Variants in FBXO34 observed in about 807,000 individuals in gnomAD.
FBXO34 encodes the protein F-box only protein 34.
Under a neutral mutation model 24.5 loss-of-function variants are expected in FBXO34, and 12 were observed. The observed-to-expected ratio is 0.49, with a 90% CI of 0.31 to 0.79. The LOEUF is 0.79. Among genes scored for constraint, FBXO34 ranks in the 30% least tolerant of loss-of-function variants. The probability of loss-of-function intolerance (pLI) is 0.04; values close to 1 mark genes in which losing one functional copy is unlikely to be tolerated. For missense variants in FBXO34, 823 were observed against 857.7 expected, an observed-to-expected ratio of 0.96 and a Z score of 0.51; for synonymous variants, 320 against 311.9, an observed-to-expected ratio of 1.03 and a Z score of -0.27.
intron 3 of FBXO34, among the ~76,000 whole-genome samples, chr14:55,360,681 A>C (rs1884581992): frequency 6.6e-6 from 1 of 152,052 alleles, no homozygotes; most frequent in African/African-American, 2.4e-5. Context: ...AGTAGAAAGG[A>C]TTGTAAGCCA....
At chr14:55,408,229 G>A in the FBXO34 span, among the ~76,000 whole-genome samples, 5 of 152,122 alleles carry the variant, frequency 3.3e-5, no homozygotes, top group South Asian at 2.1e-4. Context: ...GAGGCTGGTG[G>A]ATGGCTTGAG....
the FBXO34 span, chr14:55,395,322 C>T: frequency 1.1e-5 from 3 of 261,236 alleles, no homozygotes; most frequent in African/African-American, 2.3e-5. Flanking sequence ...GCTGCTGCCA[C>T]GCCTCTCCCA....
intron 1 of FBXO34, among the ~76,000 whole-genome samples, chr14:55,288,777 A>T (rs1341264716): frequency 1.3e-5 from 2 of 152,332 alleles, no homozygotes; most frequent in South Asian, 4.1e-4. Context: ...AGGGCCGGGC[A>T]TGGTGGCTCA....
chr14:55,383,857 T>G, the FBXO34 span, among the ~76,000 whole-genome samples: 1 of 152,072 alleles, frequency 6.6e-6, no homozygotes, highest in Non-Finnish European at 1.5e-5. Flanking sequence ...AGATGGTCAG[T>G]GTGGCTGGTG....
chr14:55,395,096 A>G, the FBXO34 span: 1 of 503,464 alleles, frequency 2.0e-6, no homozygotes, highest in Non-Finnish European at 4.0e-6. Context: ...TTTTTGTCTG[A>G]AGATTTATCC....
At chr14:55,347,681 A>C (rs1240398399) in intron 1 of FBXO34, among the ~76,000 whole-genome samples, 1 of 152,180 alleles carries the variant, frequency 6.6e-6, no homozygotes, top group Non-Finnish European at 1.5e-5. Context: ...CTTGCACACA[A>C]AGTGTTAGTT....
chr14:55,377,916 T>C, the FBXO34 span: 1 of 1,597,178 alleles, frequency 6.3e-7, no homozygotes, highest in African/African-American at 1.4e-5. Context: ...TAAAAAAAAT[T>C]AAAGAATTGG....
intron 1 of FBXO34, among the ~76,000 whole-genome samples, chr14:55,332,664 C>G (rs573787303): frequency 5.3e-5 from 8 of 152,230 alleles, no homozygotes; most frequent in South Asian, 2.1e-4. Context: ...CTTGGTGTAC[C>G]TCATTATTTA....
chr14:55,361,945 T>TTG (rs1180114674), downstream of FBXO34: 1 of 152,258 alleles, frequency 6.6e-6, no homozygotes, highest in Non-Finnish European at 1.5e-5. Flanking sequence ...TTTAAATCAT[T>TTG]TGTGTGTTCA....
At chr14:55,397,584 C>G in the FBXO34 span, 2 of 653,432 alleles carry the variant, frequency 3.1e-6, no homozygotes, top group African/African-American at 3.6e-5. Flanking sequence ...ACGGGGTGCA[C>G]ACAACTGCTA....
the FBXO34 span, among the ~76,000 whole-genome samples, chr14:55,387,069 G>A: frequency 1.3e-5 from 2 of 151,710 alleles, no homozygotes; most frequent in South Asian, 2.1e-4. Context: ...CCTAGTTAAC[G>A]CTCACCAACA....
chr14:55,299,944 C>T (rs1882290548), intron 1 of FBXO34, among the ~76,000 whole-genome samples: 1 of 152,168 alleles, frequency 6.6e-6, no homozygotes. Flanking sequence ...CTGTTCCCCT[C>T]CAACTTCCCC....
chr14:55,337,308 C>T (rs1883816587), intron 1 of FBXO34, among the ~76,000 whole-genome samples: 1 of 152,156 alleles, frequency 6.6e-6, no homozygotes, highest in Non-Finnish European at 1.5e-5. Context: ...CTATTTTCTT[C>T]TATTCTCTAG....
At chr14:55,376,717 A>G in the FBXO34 span, among the ~76,000 whole-genome samples, 1 of 152,190 alleles carries the variant, frequency 6.6e-6, no homozygotes, top group South Asian at 2.1e-4. Context: ...GGGAAACCCA[A>G]AAGAACTTTC....
chr14:55,354,354 T>C (rs908717552), downstream of FBXO34: 2 of 152,202 alleles, frequency 1.3e-5, no homozygotes, highest in African/African-American at 4.8e-5. Flanking sequence ...TTTGTTATGA[T>C]TCATAATTTA....
At chr14:55,349,919 T>C (rs965209735) in intron 1 of FBXO34, among the ~76,000 whole-genome samples, 4 of 152,074 alleles carry the variant, frequency 2.6e-5, no homozygotes, top group African/African-American at 9.7e-5. Context: ...GAAGCAATAA[T>C]TTTGATGGGC....
intron 1 of FBXO34, among the ~76,000 whole-genome samples, chr14:55,345,553 C>G (rs758770607): frequency 6.6e-6 from 1 of 152,086 alleles, no homozygotes; most frequent in Non-Finnish European, 1.5e-5. Flanking sequence ...TTCTTCTCCC[C>G]GTCTCCCCAT....
chr14:55,380,238 ACT>A, the FBXO34 span, among the ~76,000 whole-genome samples: 1 of 147,968 alleles, frequency 6.8e-6, no homozygotes, highest in African/African-American at 2.5e-5. Context: ...ACAGAGCGAG[ACT>A]CTGTCTCAAA....
downstream of FBXO34, chr14:55,368,638 G>A (rs1884739522): frequency 6.6e-6 from 1 of 152,012 alleles, no homozygotes; most frequent in South Asian, 2.1e-4. Flanking sequence ...AGAGTTCGGG[G>A]AAACAAGTAG....
Sources: allele counts gnomAD v4.1 joint callset (sites outside exome capture counted in the v4.1 genomes callset), GRCh38; gene constraint gnomAD v4.1.1; transcripts MANE v1.5; gene names NCBI Gene and HGNC (gene_info 2026-07-23, HGNC 2026-07-21).